Variants in UBASH3B observed in about 807,000 individuals in gnomAD.
UBASH3B encodes the protein ubiquitin associated and SH3 domain containing B.
In UBASH3B, 37 loss-of-function variants were observed where a neutral mutation model predicts 83.4. The ratio of observed to expected loss-of-function variants is 0.44; its 90% CI spans 0.34 to 0.58. The LOEUF (loss-of-function observed/expected upper bound fraction) is 0.58, where lower values mean the gene tolerates loss of function less well. Among genes scored for constraint, UBASH3B ranks in the 20% least tolerant of loss-of-function variants. UBASH3B has a pLI of 0.01. For missense variants in UBASH3B, 657 were observed against 827.2 expected (o/e 0.79, Z 2.52); for synonymous variants, 304 against 318.3 (o/e 0.96, Z 0.48).
chr11:122,808,275 C>A (rs2135194094), intron 13 of UBASH3B, 99 bp downstream of exon 13: 1 of 951,884 alleles, frequency 1.1e-6, no homozygotes, highest in Non-Finnish European at 1.7e-6. Flanking sequence ...TGTGTTTATG[C>A]TGAGCTGGGA....
intron 1 of UBASH3B, among the ~76,000 whole-genome samples, chr11:122,672,535 AG>A (rs1337163233): frequency 6.6e-6 from 1 of 152,142 alleles, no homozygotes; most frequent in Non-Finnish European, 1.5e-5. Context: ...CATGTTGGCC[AG>A]GCTGATCTCG....
intron 1 of UBASH3B, among the ~76,000 whole-genome samples, chr11:122,690,179 TA>T (rs1565530153): frequency 0.065 from 2,211 of 33,808 alleles, 152 homozygotes; most frequent in Middle Eastern, 0.12. Context: ...TATATATATA[TA>T]TATATATATA....
intron 11 of UBASH3B, among the ~76,000 whole-genome samples, chr11:122,805,811 A>G (rs1565573836): frequency 6.6e-6 from 1 of 152,204 alleles, no homozygotes; most frequent in Non-Finnish European, 1.5e-5. Context: ...ATTATCATTT[A>G]CATCAATAAC....
intron 1 of UBASH3B, among the ~76,000 whole-genome samples, chr11:122,770,998 T>C (rs982796779): frequency 3.9e-5 from 6 of 152,216 alleles, no homozygotes; most frequent in Admixed American, 3.3e-4. Context: ...GTCCAAGCTC[T>C]AAAGTGACGC....
chr11:122,804,355 A>G (rs12274581), intron 11 of UBASH3B, among the ~76,000 whole-genome samples: 9,778 of 152,200 alleles, frequency 0.064, 791 homozygotes, highest in East Asian at 0.3. Context: ...AGAAACAGGC[A>G]TGCTGAGAGA....
At chr11:122,701,452 T>C (rs1459998661) in intron 1 of UBASH3B, among the ~76,000 whole-genome samples, 1 of 152,162 alleles carries the variant, frequency 6.6e-6, no homozygotes, top group Non-Finnish European at 1.5e-5. Flanking sequence ...GGTCACCCGA[T>C]GGGGATGGGA....
chr11:122,688,441 G>T (rs1167735503), intron 1 of UBASH3B, among the ~76,000 whole-genome samples: 1 of 130,422 alleles, frequency 7.7e-6, no homozygotes, highest in Non-Finnish European at 1.6e-5. Context: ...TTGGGGTTTT[G>T]TGGTTTGTTT....
Position 122,725,328 on chromosome 11 carries a change from CA to C in UBASH3B, c.162-50875del, listed in dbSNP as rs527272428. ...GCTGTGATGAGCATAGCACCATAAA[CA>C]AAAAAAAAAAAAAAAGAAAAGAAAA... On this transcript the variant is annotated intron_variant, in intron 1 of 13. Coordinates refer to ENST00000284273, the MANE Select transcript of UBASH3B (RefSeq NM_032873.5). 2.2e-3 allele frequency among the ~76,000 whole-genome samples: 192 copies of C among 87,974 alleles called. 1 individual carries two copies. The highest frequency in any genetic ancestry group is 7.8e-3 in the African/African-American group (181 of 23,160). 57.7% of individuals were successfully genotyped at this position (87,974 alleles called of 152,430 possible).
intron 1 of UBASH3B, among the ~76,000 whole-genome samples, chr11:122,711,166 C>T (rs78496823): frequency 0.073 from 11,050 of 152,238 alleles, 472 homozygotes; most frequent in Middle Eastern, 0.12. Context: ...AGAGCCCCCA[C>T]CCTTCCTCTT....
intron 1 of UBASH3B, among the ~76,000 whole-genome samples, chr11:122,696,286 G>C (rs1176780676): frequency 6.6e-6 from 1 of 151,138 alleles, no homozygotes; most frequent in Non-Finnish European, 1.5e-5. Context: ...TAAGCCGGCA[G>C]GATTTTAACC....
chr11:122,766,272 C>T (rs1406014872), intron 1 of UBASH3B, among the ~76,000 whole-genome samples: 8 of 152,158 alleles, frequency 5.3e-5, no homozygotes, highest in African/African-American at 1.9e-4. Flanking sequence ...AGTGGCCGGG[C>T]GCGGTGGCTC....
intron 1 of UBASH3B, among the ~76,000 whole-genome samples, chr11:122,657,336 G>C (rs1215562841): frequency 4.0e-5 from 6 of 151,680 alleles, no homozygotes; most frequent in Admixed American, 3.3e-4. Flanking sequence ...TCGCTGTGTC[G>C]CCAGGCTAGA....
intron 1 of UBASH3B, among the ~76,000 whole-genome samples, chr11:122,732,097 C>T (rs1009062473): frequency 6.6e-6 from 1 of 152,222 alleles, no homozygotes; most frequent in African/African-American, 2.4e-5. Flanking sequence ...CAAAGACAGA[C>T]AGCCCTAGCC....
intron 1 of UBASH3B, among the ~76,000 whole-genome samples, chr11:122,725,082 G>A (rs1445988624): frequency 9.0e-6 from 1 of 111,244 alleles, no homozygotes; most frequent in Non-Finnish European, 1.7e-5. Context: ...CAATTCTCCT[G>A]CCTCAGCCTC....
At chr11:122,746,667 A>G (rs1861123073) in intron 1 of UBASH3B, among the ~76,000 whole-genome samples, 1 of 152,162 alleles carries the variant, frequency 6.6e-6, no homozygotes, top group Non-Finnish European at 1.5e-5. Flanking sequence ...GAGTGCTATG[A>G]GACTTCCGAA....
At chr11:122,673,799 C>A (rs1020750122) in intron 1 of UBASH3B, among the ~76,000 whole-genome samples, 1 of 152,208 alleles carries the variant, frequency 6.6e-6, no homozygotes, top group Non-Finnish European at 1.5e-5. Context: ...GCTCTTTCTG[C>A]AGAGGGGATT....
At chr11:122,749,802 G>A (rs563121457) in intron 1 of UBASH3B, among the ~76,000 whole-genome samples, 3 of 152,144 alleles carry the variant, frequency 2.0e-5, no homozygotes, top group Non-Finnish European at 2.9e-5. Context: ...GCGCTTTCTC[G>A]GCTCACTGCA....
At chr11:122,767,562 C>G (rs930615449) in intron 1 of UBASH3B, among the ~76,000 whole-genome samples, 1 of 152,160 alleles carries the variant, frequency 6.6e-6, no homozygotes, top group African/African-American at 2.4e-5. Flanking sequence ...CCACCCGCCT[C>G]GGCCTCCCAA....
At position 122,759,633 on chromosome 11, in the gene UBASH3B, T is replaced by C. The variant is rs1001182648; in HGVS notation, c.162-16586T>C. Among the ~76,000 whole-genome samples the C allele has an allele frequency of 6.6e-6, 1 of 152,166 alleles. No homozygotes were observed. The highest frequency in any genetic ancestry group is 2.4e-5 in the African/African-American group (1 of 41,446). The stretch of plus-strand genomic sequence containing the variant: ...GGTGATGGGAGACAATGACAGACTA[T>C]CAGGCATTAGATTCTCCTGAGGAGC... On this transcript the variant is annotated intron_variant, in intron 1 of 13. Coordinates refer to ENST00000284273, the MANE Select transcript of UBASH3B (RefSeq NM_032873.5). The surrounding 1 kb of genome is among the most constrained non-coding windows in gnomAD (Gnocchi z 4.1).
Sources: gnomAD v4.1 joint callset for allele counts (sites outside exome capture counted in the v4.1 genomes callset) on GRCh38, gnomAD v4.1.1 for gene constraint, Gnocchi (gnomAD v3.1) non-coding constraint, MANE v1.5 for transcripts, NCBI Gene and HGNC (gene_info 2026-07-23, HGNC 2026-07-21) for gene names.